Variants in SLC24A2 observed in about 807,000 individuals in gnomAD.
SLC24A2 encodes solute carrier family 24 member 2.
Under a neutral mutation model 62.0 loss-of-function variants are expected in SLC24A2, and 36 were observed. The observed-to-expected ratio is 0.58, with a 90% CI of 0.44 to 0.77. The LOEUF is 0.77. SLC24A2 is among the 30% of genes least tolerant of loss of function. SLC24A2 has a pLI of 0.00. For synonymous variants in SLC24A2, 358 were observed against 294.0 expected, an observed-to-expected ratio of 1.22 and a Z score of -2.23; for missense variants, 846 against 817.9, an observed-to-expected ratio of 1.03 and a Z score of -0.42.
At chr9:19,573,286 G>T in intron 7 of SLC24A2, 65 bp downstream of exon 7, 2 of 1,100,972 alleles carry the variant, frequency 1.8e-6, no homozygotes, top group South Asian at 1.2e-5. Flanking sequence ...TATAGGGTCT[G>T]TGCTGCCACG....
Position 19,520,830 on chromosome 9 carries a change from C to T in SLC24A2, c.1736+64G>A. 3 of 1,510,506 alleles carry T rather than the reference C, an allele frequency of 2.0e-6. No individual in the cohort carries two copies. In the South Asian group the frequency reaches 3.4e-5, roughly 17 times the overall value. 93.6% of individuals were successfully genotyped at this position (1,510,506 alleles called of 1,614,324 possible). ...AGAGATCCTGGTCATGTCTTTCCAG[C>T]TTCTAAGAAGACAAAGACACTGGTG... On this transcript the variant is annotated intron_variant, in intron 10 of 10. Transcript: ENST00000341998.
At chr9:19,846,339 T>C in the SLC24A2 span, among the ~76,000 whole-genome samples, 21 of 152,226 alleles carry the variant, frequency 1.4e-4, no homozygotes, top group African/African-American at 4.6e-4. Flanking sequence ...TTTATTATTA[T>C]GTAATGCCTT....
At chr9:19,652,317 T>G (rs1270703160) in intron 2 of SLC24A2, among the ~76,000 whole-genome samples, 1 of 152,166 alleles carries the variant, frequency 6.6e-6, no homozygotes, top group Non-Finnish European at 1.5e-5. Flanking sequence ...CCCAGAAACC[T>G]GTGAATATGT....
chr9:20,018,040 G>C, the SLC24A2 span, among the ~76,000 whole-genome samples: 1 of 152,044 alleles, frequency 6.6e-6, no homozygotes, highest in Non-Finnish European at 1.5e-5. Context: ...TCCACCTCCC[G>C]GGTTCATGCC....
At chr9:19,516,500 G>C in intron 10 of SLC24A2, 98 bp from the exon 11 acceptor site, 2 of 1,415,194 alleles carry the variant, frequency 1.4e-6, no homozygotes, top group Non-Finnish European at 1.9e-6. Flanking sequence ...ACCTTCTCAG[G>C]AACTCTAAAC....
chr9:20,046,203 G>A, the SLC24A2 span, among the ~76,000 whole-genome samples: 7 of 152,344 alleles, frequency 4.6e-5, no homozygotes, highest in East Asian at 1.3e-3. Flanking sequence ...ATAAAGACAA[G>A]TGCCCACTGT....
At chr9:20,055,603 C>T in the SLC24A2 span, among the ~76,000 whole-genome samples, 3 of 151,686 alleles carry the variant, frequency 2.0e-5, no homozygotes, top group African/African-American at 7.3e-5. Context: ...CTTAGACATA[C>T]CAGGCCAGGC....
the SLC24A2 span, among the ~76,000 whole-genome samples, chr9:20,225,419 A>AG: frequency 6.7e-6 from 1 of 150,304 alleles, no homozygotes; most frequent in Non-Finnish European, 1.5e-5. Flanking sequence ...TGAAAGTCAA[A>AG]GGGGATATGC....
At chr9:20,054,644 C>T in the SLC24A2 span, among the ~76,000 whole-genome samples, 2 of 152,172 alleles carry the variant, frequency 1.3e-5, no homozygotes, top group African/African-American at 2.4e-5. Context: ...TTTGCATTCT[C>T]ATAGCTTAGA....
chr9:20,159,301 A>G, the SLC24A2 span, among the ~76,000 whole-genome samples: 1 of 151,552 alleles, frequency 6.6e-6, no homozygotes, highest in South Asian at 2.1e-4. Context: ...CTGCCTACAC[A>G]CACATCCCAT....
the SLC24A2 span, among the ~76,000 whole-genome samples, chr9:20,195,070 C>G: frequency 3.3e-5 from 5 of 151,806 alleles, no homozygotes; most frequent in Non-Finnish European, 7.4e-5. Context: ...AGTTTTCTTC[C>G]CCAGCTCATG....
chr9:19,839,722 A>T, the SLC24A2 span, among the ~76,000 whole-genome samples: 11 of 152,310 alleles, frequency 7.2e-5, no homozygotes, highest in Middle Eastern at 3.4e-3. Flanking sequence ...CTGTAGCAAT[A>T]ATTTCAAGAA....
At chr9:20,164,984 T>G in the SLC24A2 span, among the ~76,000 whole-genome samples, 1 of 89,320 alleles carries the variant, frequency 1.1e-5, no homozygotes, top group Non-Finnish European at 2.1e-5. Flanking sequence ...GGGACTGTTG[T>G]GGGGTGGGGG....
intron 2 of SLC24A2, among the ~76,000 whole-genome samples, chr9:19,703,006 T>C (rs1369548878): frequency 1.3e-5 from 2 of 152,216 alleles, no homozygotes; most frequent in African/African-American, 4.8e-5. Flanking sequence ...CAAAACAATA[T>C]TGTTCAGTTC....
chr9:19,583,675 C>G (rs1428563096), intron 5 of SLC24A2, among the ~76,000 whole-genome samples: 1 of 152,120 alleles, frequency 6.6e-6, no homozygotes, highest in Non-Finnish European at 1.5e-5. Flanking sequence ...AACTGAGTGT[C>G]TACCTATGGG....
the SLC24A2 span, among the ~76,000 whole-genome samples, chr9:20,127,308 A>T: frequency 1.3e-5 from 2 of 152,128 alleles, no homozygotes; most frequent in African/African-American, 2.4e-5. Flanking sequence ...ATTGATTTTA[A>T]TATTTTTTTG....
chr9:20,036,902 G>T, the SLC24A2 span, among the ~76,000 whole-genome samples: 3 of 129,608 alleles, frequency 2.3e-5, no homozygotes, highest in Non-Finnish European at 4.7e-5. Flanking sequence ...GTATATATAT[G>T]TATGTATGTA....
the SLC24A2 span, chr9:19,927,572 A>T: frequency 1.3e-5 from 2 of 152,362 alleles, no homozygotes; most frequent in East Asian, 3.9e-4. Context: ...GAAACATTTC[A>T]TCATGAAAAC....
chr9:19,571,838 G>A (rs1835845025), intron 7 of SLC24A2, among the ~76,000 whole-genome samples: 1 of 152,174 alleles, frequency 6.6e-6, no homozygotes, highest in Admixed American at 6.5e-5. Context: ...TACATTTTGA[G>A]CAACTGTGTT....
Sources: gnomAD v4.1 joint callset for allele counts (sites outside exome capture counted in the v4.1 genomes callset) on GRCh38, gnomAD v4.1.1 for gene constraint, MANE v1.5 for transcripts, NCBI Gene and HGNC (gene_info 2026-07-23, HGNC 2026-07-21) for gene names.